Variants in CTNNA2 observed in about 807,000 individuals in gnomAD.
The protein encoded by CTNNA2 is catenin alpha 2, also known as catenin alpha-2.
In CTNNA2, 42 loss-of-function variants were observed where a neutral mutation model predicts 101.0. The observed-to-expected ratio is 0.42, with a 90% CI of 0.32 to 0.54. The LOEUF is 0.54. Among genes scored for constraint, CTNNA2 ranks in the 20% least tolerant of loss-of-function variants. The pLI is 0.14. For missense variants in CTNNA2, 871 were observed against 1,223.1 expected (o/e 0.71, Z 4.29); for synonymous variants, 450 against 456.4 (o/e 0.99, Z 0.18).
At chr2:79,789,008 T>C (rs969436930) in intron 3 of CTNNA2, among the ~76,000 whole-genome samples, 8 of 146,294 alleles carry the variant, frequency 5.5e-5, no homozygotes, top group African/African-American at 2.2e-4. Context: ...CTGTTAAAAA[T>C]AGTAATAGCT....
chr2:79,429,071 C>A (rs988596865), intron 4 of CTNNA2, among the ~76,000 whole-genome samples: 1 of 152,126 alleles, frequency 6.6e-6, no homozygotes, highest in African/African-American at 2.4e-5. Context: ...CAGGTCACTC[C>A]ATGTCTCCTT....
At chr2:80,371,009 G>C (rs954659653) in intron 7 of CTNNA2, among the ~76,000 whole-genome samples, 1 of 152,106 alleles carries the variant, frequency 6.6e-6, no homozygotes, top group African/African-American at 2.4e-5. Flanking sequence ...GGTAAGAAAC[G>C]GGAGGAAACA....
intron 7 of CTNNA2, chr2:80,162,287 C>T (rs1365338881): frequency 2.2e-5 from 15 of 669,564 alleles, no homozygotes; most frequent in Admixed American, 3.6e-5. Context: ...GTAATAAAAC[C>T]ACAATTCATT....
intron 3 of CTNNA2, among the ~76,000 whole-genome samples, chr2:79,326,295 A>G (rs1052057287): frequency 7.3e-6 from 1 of 137,854 alleles, no homozygotes; most frequent in African/African-American, 2.8e-5. Flanking sequence ...CACTAAACAA[A>G]CAAGCAAAAA....
intron 9 of CTNNA2, among the ~76,000 whole-genome samples, chr2:80,533,351 G>A (rs1690704774): frequency 6.6e-6 from 1 of 152,194 alleles, no homozygotes; most frequent in Non-Finnish European, 1.5e-5. Context: ...AGAAGGCAAT[G>A]TGGGACATAA....
intron 2 of CTNNA2, among the ~76,000 whole-genome samples, chr2:79,244,613 C>A (rs1359391832): frequency 6.6e-6 from 1 of 152,180 alleles, no homozygotes; most frequent in African/African-American, 2.4e-5. Flanking sequence ...AGGGTTCATG[C>A]AAACCCATCA....
chr2:80,529,199 C>T (rs1690305820), intron 9 of CTNNA2, among the ~76,000 whole-genome samples: 1 of 152,100 alleles, frequency 6.6e-6, no homozygotes, highest in Non-Finnish European at 1.5e-5. Context: ...TAACTATTTT[C>T]AGATTTGTAG....
chr2:79,978,516 A>G (rs1043024502), intron 7 of CTNNA2, among the ~76,000 whole-genome samples: 1 of 152,182 alleles, frequency 6.6e-6, no homozygotes, highest in Non-Finnish European at 1.5e-5. Flanking sequence ...AGTTCTGAAG[A>G]TCAAGTCATG....
At chr2:79,603,244 A>G (rs1441973177) in intron 1 of CTNNA2, among the ~76,000 whole-genome samples, 1 of 152,206 alleles carries the variant, frequency 6.6e-6, no homozygotes, top group African/African-American at 2.4e-5. Context: ...ACATATTAAA[A>G]ATTAATTACA....
At chr2:79,227,989 G>A (rs1351162032) in intron 2 of CTNNA2, among the ~76,000 whole-genome samples, 2 of 152,136 alleles carry the variant, frequency 1.3e-5, no homozygotes, top group Non-Finnish European at 2.9e-5. Flanking sequence ...ACTTATATGT[G>A]AGAACATGCT....
intron 9 of CTNNA2, among the ~76,000 whole-genome samples, chr2:80,531,002 T>C (rs1690490874): frequency 6.6e-6 from 1 of 152,066 alleles, no homozygotes; most frequent in Non-Finnish European, 1.5e-5. Flanking sequence ...GTGAACAGGT[T>C]TGAGGGGTTG....
intron 2 of CTNNA2, among the ~76,000 whole-genome samples, chr2:79,209,876 G>A (rs926936430): frequency 8.2e-5 from 10 of 121,370 alleles, no homozygotes; most frequent in African/African-American, 3.6e-4. Context: ...GGACACTGAT[G>A]ACTCTATTAA....
At chr2:80,590,155 T>C (rs1291878898) in intron 15 of CTNNA2, among the ~76,000 whole-genome samples, 5 of 152,222 alleles carry the variant, frequency 3.3e-5, no homozygotes, top group Non-Finnish European at 7.3e-5. Flanking sequence ...TAGTGCTCTT[T>C]TCTATCATTG....
At chr2:80,044,945 G>A (rs1290896115) in intron 7 of CTNNA2, among the ~76,000 whole-genome samples, 1 of 152,124 alleles carries the variant, frequency 6.6e-6, no homozygotes, top group African/African-American at 2.4e-5. Flanking sequence ...GATGCTAACT[G>A]CAGTACACTC....
At chr2:79,562,778 A>C (rs1320427139) in intron 1 of CTNNA2, among the ~76,000 whole-genome samples, 2 of 152,048 alleles carry the variant, frequency 1.3e-5, no homozygotes, top group African/African-American at 4.8e-5. Context: ...GTTGAACAGC[A>C]TGATATCACT....
At chr2:79,358,208 T>A (rs1284339803) in intron 3 of CTNNA2, among the ~76,000 whole-genome samples, 1 of 151,844 alleles carries the variant, frequency 6.6e-6, no homozygotes. Flanking sequence ...TTTCTTCTTT[T>A]TTTTTTTTTA....
At chr2:79,843,685 C>T (rs1230078607) in intron 3 of CTNNA2, among the ~76,000 whole-genome samples, 1 of 152,218 alleles carries the variant, frequency 6.6e-6, no homozygotes, top group East Asian at 1.9e-4. Flanking sequence ...TACCTTTAAA[C>T]TCCTTTTGGT....
intron 7 of CTNNA2, among the ~76,000 whole-genome samples, chr2:80,042,539 T>C (rs1696136002): frequency 6.6e-6 from 1 of 152,162 alleles, no homozygotes; most frequent in South Asian, 2.1e-4. Context: ...AGAGCATGGA[T>C]GGCAAATCTT....
chr2:79,473,772 A>G (rs951199677), intron 4 of CTNNA2, among the ~76,000 whole-genome samples: 8 of 152,204 alleles, frequency 5.3e-5, no homozygotes, highest in African/African-American at 1.7e-4. Context: ...AGCAGAAACA[A>G]TATGATTTTA....
Sources: gnomAD v4.1 joint callset for allele counts (sites outside exome capture counted in the v4.1 genomes callset) on GRCh38, gnomAD v4.1.1 for gene constraint, MANE v1.5 for transcripts, NCBI Gene and HGNC (gene_info 2026-07-23, HGNC 2026-07-21) for gene names.